ANO10: variants seen among roughly 807,000 people sequenced by gnomAD.
ANO10 encodes anoctamin 10, also known as anoctamin-10.
A neutral mutation model predicts 74.7 loss-of-function variants in ANO10; 77 were observed. The ratio of observed to expected loss-of-function variants is 1.03; its 90% confidence interval spans 0.86 to 1.25. The LOEUF (loss-of-function observed/expected upper bound fraction) is 1.25, where lower values mean the gene tolerates loss of function less well. Among genes scored for constraint, ANO10 ranks in the 50% most tolerant of loss-of-function variants. ANO10 has a pLI of 0.00. For missense variants in ANO10, 721 were observed against 778.1 expected (o/e 0.93, Z 0.87); for synonymous variants, 279 against 284.9 (o/e 0.98, Z 0.21).
At chr3:43,440,314 G>T (rs1481698564) in intron 11 of ANO10, among the ~76,000 whole-genome samples, 1 of 151,908 alleles carries the variant, frequency 6.6e-6, no homozygotes, top group African/African-American at 2.4e-5. Context: ...CAGATGTAAA[G>T]ACATACATAC....
chr3:43,375,303 A>C (rs142372846), intron 12 of ANO10, among the ~76,000 whole-genome samples: 4,091 of 150,016 alleles, frequency 0.027, 189 homozygotes, highest in African/African-American at 0.093. Context: ...AAAAAAATAG[A>C]CAGGCGTGGT....
chr3:43,525,897 TA>T (rs2078175945), intron 11 of ANO10, among the ~76,000 whole-genome samples: 1 of 152,236 alleles, frequency 6.6e-6, no homozygotes, highest in African/African-American at 2.4e-5. Context: ...TCATTCCTTC[TA>T]AATCCAAGGG....
intron 12 of ANO10, among the ~76,000 whole-genome samples, chr3:43,407,250 A>G (rs560038280): frequency 2.0e-5 from 3 of 152,262 alleles, no homozygotes; most frequent in Middle Eastern, 6.8e-3. Context: ...TGTCCATTTA[A>G]TGATGAGAAT....
intron 12 of ANO10, among the ~76,000 whole-genome samples, chr3:43,411,991 TA>T (rs200578119): frequency 9.4e-5 from 14 of 148,486 alleles, no homozygotes; most frequent in Non-Finnish European, 1.2e-4. Flanking sequence ...AAGGAGAAGT[TA>T]AAAAAAACAT....
intron 12 of ANO10, among the ~76,000 whole-genome samples, chr3:43,382,545 G>C (rs1346040571): frequency 1.3e-5 from 2 of 150,628 alleles, no homozygotes; most frequent in African/African-American, 2.4e-5. Context: ...AAATAACCAA[G>C]ATCAGAGCAG....
At chr3:43,685,661 T>A (rs2084265512) in intron 1 of ANO10, among the ~76,000 whole-genome samples, 1 of 152,190 alleles carries the variant, frequency 6.6e-6, no homozygotes, top group South Asian at 2.1e-4. Flanking sequence ...GTAGGGACAT[T>A]CCCCACTGAT....
intron 1 of ANO10, among the ~76,000 whole-genome samples, chr3:43,607,360 CA>C (rs1228442504): frequency 5.6e-5 from 8 of 144,028 alleles, no homozygotes; most frequent in Admixed American, 1.4e-4. Context: ...AACAAACAAA[CA>C]AAAAAAAAAC....
At chr3:43,454,553 A>G (rs2075041176) in intron 11 of ANO10, among the ~76,000 whole-genome samples, 2 of 152,040 alleles carry the variant, frequency 1.3e-5, no homozygotes. Flanking sequence ...AATGGAGGGG[A>G]GGAGACATGG....
chr3:43,561,505 A>G lies in ANO10; in HGVS notation c.1294-103T>C, dbSNP rs1325818629. Reference sequence around the variant, plus strand: ...TTAAACTACAGTATTTATAGCATAAATACAATTATGCAACAAATAAAATGG... The same window carrying G: ...TTAAACTACAGTATTTATAGCATAAGTACAATTATGCAACAAATAAAATGG... On this transcript the variant is annotated intron_variant, in intron 8 of 12. Coordinates refer to ENST00000292246, the MANE Select transcript of ANO10 (RefSeq NM_018075.5). The G allele has an allele frequency of 2.9e-6, 3 of 1,035,902 alleles. No homozygotes were observed. The African/African-American group carries it at 4.8e-5, about 17-fold the overall frequency. The allele number at this position is 1,035,902 out of a possible 1,614,324, so 64.2% of individuals were successfully genotyped here.
chr3:43,597,736 A>G (rs2082157726), intron 4 of ANO10, among the ~76,000 whole-genome samples: 1 of 152,128 alleles, frequency 6.6e-6, no homozygotes, highest in African/African-American at 2.4e-5. Flanking sequence ...CATTGTGCAC[A>G]TGTACCCTAG....
At chr3:43,441,300 A>G (rs1185067237) in intron 11 of ANO10, among the ~76,000 whole-genome samples, 1 of 152,052 alleles carries the variant, frequency 6.6e-6, no homozygotes, top group Non-Finnish European at 1.5e-5. Flanking sequence ...AGACTAATGA[A>G]GAAAAGACTC....
intron 12 of ANO10, among the ~76,000 whole-genome samples, chr3:43,431,394 A>T (rs2092978436): frequency 6.6e-6 from 1 of 151,710 alleles, no homozygotes; most frequent in Admixed American, 6.6e-5. Context: ...TTTTCAAGTA[A>T]TGATAATCTT....
intron 7 of ANO10, among the ~76,000 whole-genome samples, chr3:43,570,103 A>G (rs2080616975): frequency 2.1e-5 from 3 of 145,676 alleles, no homozygotes; most frequent in African/African-American, 7.6e-5. Context: ...AGAGAATAAA[A>G]TACCTAGGAA....
intron 12 of ANO10, among the ~76,000 whole-genome samples, chr3:43,374,883 G>C (rs2091743138): frequency 6.6e-6 from 1 of 152,188 alleles, no homozygotes; most frequent in Non-Finnish European, 1.5e-5. Context: ...CACTTTGGGA[G>C]GCCGAGGTGG....
chr3:43,510,955 T>C (rs1234216230), intron 11 of ANO10, among the ~76,000 whole-genome samples: 1 of 152,224 alleles, frequency 6.6e-6, no homozygotes, highest in Non-Finnish European at 1.5e-5. Context: ...AGTATAATCA[T>C]ACTGTTCTCA....
intron 11 of ANO10, among the ~76,000 whole-genome samples, chr3:43,504,295 G>GGTAA (rs1160259452): frequency 2.2e-5 from 3 of 135,306 alleles, no homozygotes; most frequent in Admixed American, 7.6e-5. Context: ...TAGGTAGGTA[G>GGTAA]GTAGGTAGAT....
intron 11 of ANO10, among the ~76,000 whole-genome samples, chr3:43,540,787 A>T (rs2078920631): frequency 6.6e-6 from 1 of 152,212 alleles, no homozygotes; most frequent in Admixed American, 6.5e-5. Context: ...GGAGGTGAAG[A>T]AAGAGGCCTC....
chr3:43,378,586 A>G (rs2091876074), intron 12 of ANO10, among the ~76,000 whole-genome samples: 1 of 152,218 alleles, frequency 6.6e-6, no homozygotes, highest in African/African-American at 2.4e-5. Context: ...TTATGAGTAA[A>G]ACAAAATTGA....
intron 12 of ANO10, among the ~76,000 whole-genome samples, chr3:43,390,766 T>C (rs548469099): frequency 6.6e-6 from 1 of 152,318 alleles, no homozygotes; most frequent in South Asian, 2.1e-4. Context: ...GACTCAAAAG[T>C]GCAACTAGCA....
Sources: gnomAD v4.1 joint callset for allele counts (sites outside exome capture counted in the v4.1 genomes callset) on GRCh38, gnomAD v4.1.1 for gene constraint, MANE v1.5 for transcripts, NCBI Gene and HGNC (gene_info 2026-07-23, HGNC 2026-07-21) for gene names.